IPO11: variants seen among roughly 807,000 people sequenced by gnomAD.
IPO11 encodes importin-11.
Under a neutral mutation model 143.2 loss-of-function variants are expected in IPO11, and 66 were observed. That is an observed-to-expected ratio of 0.46 (90% confidence interval 0.38 to 0.57). The LOEUF is 0.57. Ranked by LOEUF, IPO11 falls within the 20% of genes least tolerant of loss-of-function variation. The probability of loss-of-function intolerance (pLI) is 0.00; values close to 1 mark genes in which losing one functional copy is unlikely to be tolerated. For missense variants in IPO11, 1,026 were observed against 1,141.0 expected (o/e 0.90, Z 1.45); for synonymous variants, 385 against 377.8 (o/e 1.02, Z -0.22).
chr5:62,520,881 G>C (rs959056259), intron 20 of IPO11, among the ~76,000 whole-genome samples: 2 of 152,194 alleles, frequency 1.3e-5, no homozygotes, highest in African/African-American at 2.4e-5. Flanking sequence ...TAATGGGATG[G>C]CTGGGCCAAA....
At chr5:62,524,834 G>T (rs1217729511) in intron 20 of IPO11, among the ~76,000 whole-genome samples, 4 of 152,122 alleles carry the variant, frequency 2.6e-5, no homozygotes, top group African/African-American at 9.7e-5. Flanking sequence ...ATTGTAATTT[G>T]CTTTGAATTA....
At chr5:62,594,618 T>G (rs1745147767) in intron 28 of IPO11, among the ~76,000 whole-genome samples, 1 of 152,180 alleles carries the variant, frequency 6.6e-6, no homozygotes, top group South Asian at 2.1e-4. Flanking sequence ...CCCAGAGTAA[T>G]GTTTAACCAG....
intron 29 of IPO11, among the ~76,000 whole-genome samples, chr5:62,625,925 T>C (rs188149541): frequency 1.3e-5 from 2 of 152,368 alleles, no homozygotes; most frequent in Non-Finnish European, 2.9e-5. Flanking sequence ...TGGAATACTT[T>C]TAGGTTTACA....
intron 26 of IPO11, among the ~76,000 whole-genome samples, chr5:62,554,712 T>C: frequency 6.8e-6 from 1 of 147,480 alleles, no homozygotes; most frequent in South Asian, 2.3e-4. Flanking sequence ...GACACACACT[T>C]TTTTGGGGGG....
intron 19 of IPO11, among the ~76,000 whole-genome samples, chr5:62,512,723 C>G (rs1254732948): frequency 4.1e-5 from 6 of 145,638 alleles, no homozygotes; most frequent in East Asian, 2.0e-4. Context: ...ACAAAGGTCT[C>G]TGGTTTTCCT....
At chr5:62,562,430 T>A (rs147975880) in intron 27 of IPO11, among the ~76,000 whole-genome samples, 3 of 152,322 alleles carry the variant, frequency 2.0e-5, no homozygotes, top group African/African-American at 7.2e-5. Flanking sequence ...AGGATGAAGC[T>A]ATTCCACCTC....
intron 5 of IPO11, among the ~76,000 whole-genome samples, chr5:62,454,177 C>T (rs1007336219): frequency 6.6e-6 from 1 of 152,072 alleles, no homozygotes; most frequent in Non-Finnish European, 1.5e-5. Context: ...TATGTTCATC[C>T]TAGGATATTG....
At chr5:62,579,531 A>C in intron 27 of IPO11, 1 of 1,551,110 alleles carries the variant, frequency 6.4e-7, no homozygotes, top group Non-Finnish European at 8.7e-7. Context: ...AAATACTTGG[A>C]TGTTCGTCTG....
intron 20 of IPO11, among the ~76,000 whole-genome samples, chr5:62,524,104 T>G (rs1423454686): frequency 6.6e-6 from 1 of 152,154 alleles, no homozygotes; most frequent in Non-Finnish European, 1.5e-5. Flanking sequence ...TTTTGAACTT[T>G]CAGAGTATTG....
chr5:62,466,780 T>A (rs549436216), intron 5 of IPO11, among the ~76,000 whole-genome samples: 1 of 152,350 alleles, frequency 6.6e-6, no homozygotes, highest in East Asian at 1.9e-4. Context: ...TGACAGTCCA[T>A]AAATCATTGT....
chr5:62,464,198 G>A (rs1460981621), intron 5 of IPO11, among the ~76,000 whole-genome samples: 1 of 136,150 alleles, frequency 7.3e-6, no homozygotes, highest in Non-Finnish European at 1.5e-5. Flanking sequence ...TCGCCAGGCT[G>A]GAGTGCAGTG....
chr5:62,557,117 C>T (rs890978903), intron 26 of IPO11, among the ~76,000 whole-genome samples: 1 of 152,142 alleles, frequency 6.6e-6, no homozygotes, highest in African/African-American at 2.4e-5. Context: ...GTGAGTGCCC[C>T]TCAATGTGTT....
chr5:62,444,719 A>C (rs1439043157), intron 3 of IPO11, among the ~76,000 whole-genome samples: 2 of 151,954 alleles, frequency 1.3e-5, no homozygotes, highest in East Asian at 3.9e-4. Context: ...AAATACAAAA[A>C]TTAGCCAGGT....
chr5:62,604,204 GTTGTTTTGTT>G (rs968472257), intron 29 of IPO11, among the ~76,000 whole-genome samples: 1 of 152,070 alleles, frequency 6.6e-6, no homozygotes, highest in Non-Finnish European at 1.5e-5. Flanking sequence ...CTGTTTTGTG[GTTGTTTTGTT>G]TTGTTTTGTT....
chr5:62,464,707 C>G (rs1215334765), intron 5 of IPO11, among the ~76,000 whole-genome samples: 1 of 151,944 alleles, frequency 6.6e-6, no homozygotes, highest in African/African-American at 2.4e-5. Flanking sequence ...CTCCTGACCC[C>G]AGGTGATCAT....
chr5:62,580,853 T>C (rs1744527200), intron 27 of IPO11: 1 of 1,551,430 alleles, frequency 6.4e-7, no homozygotes, highest in Non-Finnish European at 8.7e-7. Flanking sequence ...GAGAATGCCT[T>C]TGGTAATCCA....
At position 62,537,356 on chromosome 5, in the gene IPO11, T is replaced by C. The variant is rs568169390; in HGVS notation, c.2250+67T>C. The C allele has an allele frequency of 1.0e-5, 11 of 1,053,432 alleles. No homozygotes were observed. The African/African-American group carries it at 1.6e-4, about 15-fold the overall frequency. The allele number at this position is 1,053,432 out of a possible 1,614,324, so 65.3% of individuals were successfully genotyped here. A position where few individuals can be genotyped will look rare whatever the true frequency, so the allele number is the denominator to read the frequency against. The stretch of plus-strand genomic sequence containing the variant: ...ATTTATATTTTATGAAATTGGACTT[T>C]CATTTGGATGGTTCGCAAGAAGGAG... On this transcript the variant is annotated intron_variant, in intron 24 of 29. Coordinates refer to ENST00000325324, the MANE Select transcript of IPO11 (RefSeq NM_016338.5).
chr5:62,462,519 A>G (rs899794857), intron 5 of IPO11, among the ~76,000 whole-genome samples: 2 of 150,126 alleles, frequency 1.3e-5, no homozygotes, highest in Admixed American at 1.3e-4. Flanking sequence ...CCCCTTTGCT[A>G]CCATTATTAA....
chr5:62,466,271 CA>C (rs759956376), intron 5 of IPO11, among the ~76,000 whole-genome samples: 21 of 152,144 alleles, frequency 1.4e-4, no homozygotes, highest in Non-Finnish European at 2.9e-4. Context: ...TTTAATGGCA[CA>C]TTAAAAATAC....
Sources: allele counts gnomAD v4.1 joint callset (sites outside exome capture counted in the v4.1 genomes callset), GRCh38; gene constraint gnomAD v4.1.1; transcripts MANE v1.5; gene names NCBI Gene and HGNC (gene_info 2026-07-23, HGNC 2026-07-21).